GLI3: variants seen among roughly 807,000 people sequenced by gnomAD.
The protein encoded by GLI3 is transcription activator GLI3.
In GLI3, 20 loss-of-function variants were observed where a neutral mutation model predicts 100.8. The ratio of observed to expected loss-of-function variants is 0.20; its 90% confidence interval spans 0.14 to 0.29. The LOEUF is 0.29. Ranked by LOEUF, GLI3 falls within the 10% of genes least tolerant of loss-of-function variation. The pLI is 1.00. For missense variants in GLI3, 2,040 were observed against 2,128.5 expected (o/e 0.96, Z 0.82); for synonymous variants, 938 against 860.5 (o/e 1.09, Z -1.58).
At chr7:42,034,681 T>A (rs907329702) in intron 7 of GLI3, among the ~76,000 whole-genome samples, 6 of 152,108 alleles carry the variant, frequency 3.9e-5, no homozygotes, top group Non-Finnish European at 8.8e-5. Flanking sequence ...GGGTATCTTG[T>A]CATCATCCTA....
chr7:41,972,270 C>G lies in GLI3; in HGVS notation c.2103+67G>C. On this transcript the variant is annotated intron_variant, in intron 13 of 14. Transcript: ENST00000395925. This position sits in a 1 kb window ranked among gnomAD's most constrained non-coding sequence, Gnocchi z 4.4. ...GTGAGGACCGGGAAGTCCTGTCCCTCTATGCACCCTACCTGGCTCTTTTAA... is the reference window on the plus strand; with the variant it reads ...GTGAGGACCGGGAAGTCCTGTCCCTGTATGCACCCTACCTGGCTCTTTTAA... 2 of 1,461,288 alleles carry G rather than the reference C, an allele frequency of 1.4e-6. No homozygotes were observed. Among genetic ancestry groups the G allele is most frequent in the Non-Finnish European group, 1.9e-6 (2 of 1,042,222 alleles). The allele number at this position is 1,461,288 out of a possible 1,614,324, so 90.5% of individuals were successfully genotyped here. A position where few individuals can be genotyped will look rare whatever the true frequency, so the allele number is the denominator to read the frequency against.
chr7:42,108,217 A>G (rs1385601544), intron 3 of GLI3, among the ~76,000 whole-genome samples: 1 of 152,208 alleles, frequency 6.6e-6, no homozygotes, highest in East Asian at 1.9e-4. Context: ...GCTTAATGGA[A>G]CTTTGCACCG....
At chr7:42,185,093 G>A (rs1787692777) in intron 2 of GLI3, among the ~76,000 whole-genome samples, 2 of 91,062 alleles carry the variant, frequency 2.2e-5, no homozygotes, top group Admixed American at 1.2e-4. Context: ...AGGCAGGCAG[G>A]CTGAGGAGAT....
chr7:42,221,454 T>G (rs902129827), intron 2 of GLI3, among the ~76,000 whole-genome samples: 2 of 152,148 alleles, frequency 1.3e-5, no homozygotes, highest in Admixed American at 6.5e-5. Flanking sequence ...CTCACACGCA[T>G]GCACACTCAT....
intron 3 of GLI3, among the ~76,000 whole-genome samples, chr7:42,100,995 C>T (rs1785448827): frequency 6.6e-6 from 1 of 152,146 alleles, no homozygotes; most frequent in South Asian, 2.1e-4. Context: ...GTCTGTGGTA[C>T]CTTGTTCTGG....
chr7:42,081,653 T>A (rs1562719134), intron 3 of GLI3, among the ~76,000 whole-genome samples: 1 of 152,176 alleles, frequency 6.6e-6, no homozygotes, highest in Non-Finnish European at 1.5e-5. Flanking sequence ...CTTGGAGATT[T>A]ATCTCTAGTT....
chr7:42,221,562 TCA>T (rs201858987), intron 2 of GLI3, among the ~76,000 whole-genome samples: 3,103 of 152,060 alleles, frequency 0.02, 39 homozygotes, highest in Non-Finnish European at 0.028. Context: ...ACTCACACCC[TCA>T]CACACAGGCA....
intron 2 of GLI3, among the ~76,000 whole-genome samples, chr7:42,220,146 C>G (rs2128701576): frequency 6.6e-6 from 1 of 152,246 alleles, no homozygotes; most frequent in East Asian, 1.9e-4. Flanking sequence ...GCCACCGGGC[C>G]TGGCCGAAAC....
intron 4 of GLI3, among the ~76,000 whole-genome samples, chr7:42,053,327 T>C (rs1488415276): frequency 6.6e-6 from 1 of 152,118 alleles, no homozygotes; most frequent in Non-Finnish European, 1.5e-5. Flanking sequence ...GGAAAGCAAA[T>C]CTGGGAGAGA....
intron 2 of GLI3, among the ~76,000 whole-genome samples, chr7:42,174,625 C>T (rs1787442537): frequency 6.6e-6 from 1 of 152,212 alleles, no homozygotes; most frequent in Non-Finnish European, 1.5e-5. Context: ...ACAGAGAAAA[C>T]AACTGAAGCA....
chr7:42,080,820 C>T (rs1784982013), intron 3 of GLI3, among the ~76,000 whole-genome samples: 1 of 152,132 alleles, frequency 6.6e-6, no homozygotes, highest in Non-Finnish European at 1.5e-5. Flanking sequence ...CGGCATATTC[C>T]ATCATCGGCC....
intron 2 of GLI3, among the ~76,000 whole-genome samples, chr7:42,174,403 A>T (rs1787437641): frequency 6.6e-6 from 1 of 152,192 alleles, no homozygotes; most frequent in South Asian, 2.1e-4. Context: ...AGATGTCTGC[A>T]TTGTATGTCA....
intron 1 of GLI3, chr7:42,227,661 T>A (rs1262798301): frequency 6.6e-6 from 1 of 152,078 alleles, no homozygotes; most frequent in Non-Finnish European, 1.5e-5. Context: ...CTGGTGACGC[T>A]GTAGTGCACG....
chr7:42,248,135 G>T (rs550821769), intron 1 of GLI3, among the ~76,000 whole-genome samples: 2 of 152,080 alleles, frequency 1.3e-5, no homozygotes, highest in African/African-American at 4.8e-5. Flanking sequence ...GCATACCTTC[G>T]AGTCCTTTCC....
intron 6 of GLI3, among the ~76,000 whole-genome samples, chr7:42,043,485 T>C (rs1231991783): frequency 6.6e-6 from 1 of 152,228 alleles, no homozygotes; most frequent in Non-Finnish European, 1.5e-5. Flanking sequence ...ATCATACCAC[T>C]TCCTTCTTAA....
At chr7:42,048,272 AC>A (rs1784284779) in intron 5 of GLI3, among the ~76,000 whole-genome samples, 1 of 152,140 alleles carries the variant, frequency 6.6e-6, no homozygotes, top group Non-Finnish European at 1.5e-5. Flanking sequence ...AGTAAACCCC[AC>A]TGCACGCTGC....
chr7:42,201,980 G>T (rs1295702599), intron 2 of GLI3, among the ~76,000 whole-genome samples: 1 of 150,944 alleles, frequency 6.6e-6, no homozygotes, highest in African/African-American at 2.4e-5. Flanking sequence ...TACTCAGGAG[G>T]CTGAGGCAGG....
chr7:42,176,755 G>T (rs753167469), intron 2 of GLI3, among the ~76,000 whole-genome samples: 1 of 152,180 alleles, frequency 6.6e-6, no homozygotes, highest in Non-Finnish European at 1.5e-5. Context: ...GTGAAGGTGG[G>T]ATATTGATCC....
intron 2 of GLI3, among the ~76,000 whole-genome samples, chr7:42,187,949 G>A (rs1466986354): frequency 7.0e-6 from 1 of 143,882 alleles, no homozygotes; most frequent in Admixed American, 7.2e-5. Context: ...GTTGCAATGA[G>A]CCGAGATCGC....
Sources: gnomAD v4.1 joint callset for allele counts (sites outside exome capture counted in the v4.1 genomes callset) on GRCh38, gnomAD v4.1.1 for gene constraint, Gnocchi (gnomAD v3.1) non-coding constraint, MANE v1.5 for transcripts, NCBI Gene and HGNC (gene_info 2026-07-23, HGNC 2026-07-21) for gene names.